The following NCALD variants were observed in gnomAD, a reference collection of about 807,000 sequenced individuals.
The protein encoded by NCALD is neurocalcin-delta.
NCALD carries 10 observed loss-of-function variants against 18.6 expected under a neutral mutation model. The observed-to-expected ratio is 0.54, with a 90% CI of 0.33 to 0.91. The LOEUF (loss-of-function observed/expected upper bound fraction) is 0.91. Among genes scored for constraint, NCALD ranks in the 40% least tolerant of loss-of-function variants. NCALD has a pLI of 0.03. For missense variants in NCALD, 184 were observed against 247.6 expected (o/e 0.74, Z 1.72); for synonymous variants, 88 against 87.4 (o/e 1.01, Z -0.04).
intron 3 of NCALD, among the ~76,000 whole-genome samples, chr8:101,905,807 A>G: frequency 6.6e-6 from 1 of 152,194 alleles, no homozygotes; most frequent in East Asian, 1.9e-4. Flanking sequence ...CCCAAATTCA[A>G]GGAGCATCAG....
chr8:101,794,481 T>C (rs192737460), upstream of NCALD, among the ~76,000 whole-genome samples: 253 of 152,334 alleles, frequency 1.7e-3, 2 homozygotes, highest in African/African-American at 5.5e-3. Flanking sequence ...TTTCTAAAAC[T>C]GGATGGCTCC....
At chr8:102,075,302 C>G (rs1432008053) in intron 1 of NCALD, among the ~76,000 whole-genome samples, 1 of 152,032 alleles carries the variant, frequency 6.6e-6, no homozygotes, top group African/African-American at 2.4e-5. Flanking sequence ...GGAAACATAA[C>G]TATAAAACTA....
intron 4 of NCALD, among the ~76,000 whole-genome samples, chr8:101,856,509 C>G (rs1371924521): frequency 6.6e-6 from 1 of 152,042 alleles, no homozygotes; most frequent in Non-Finnish European, 1.5e-5. Flanking sequence ...CATGTTTCTA[C>G]ATGGCCTTAC....
intron 1 of NCALD, among the ~76,000 whole-genome samples, chr8:102,040,479 A>AAAAG (rs1554584282): frequency 3.3e-5 from 5 of 150,742 alleles, no homozygotes; most frequent in African/African-American, 2.5e-5. Context: ...ATCAAAAAAA[A>AAAAG]AAAAGAAAAG....
intron 3 of NCALD, among the ~76,000 whole-genome samples, chr8:101,887,514 T>C (rs1586695363): frequency 6.6e-6 from 1 of 152,272 alleles, no homozygotes; most frequent in African/African-American, 2.4e-5. Flanking sequence ...CGCAGGCAAT[T>C]TATTACAGGG....
At chr8:101,761,958 T>C (rs1251634430) in intron 1 of NCALD, among the ~76,000 whole-genome samples, 1 of 152,132 alleles carries the variant, frequency 6.6e-6, no homozygotes, top group Non-Finnish European at 1.5e-5. Context: ...GAGAACAACA[T>C]AGTAGGGAAT....
At chr8:102,056,865 T>A (rs1223890460) in intron 1 of NCALD, among the ~76,000 whole-genome samples, 1 of 152,232 alleles carries the variant, frequency 6.6e-6, no homozygotes, top group Non-Finnish European at 1.5e-5. Flanking sequence ...AGGATTTACA[T>A]CACTGAGTAC....
intron 2 of NCALD, among the ~76,000 whole-genome samples, chr8:101,922,844 A>T (rs1212761344): frequency 6.6e-6 from 1 of 152,198 alleles, no homozygotes; most frequent in African/African-American, 2.4e-5. Context: ...TACACACAGT[A>T]AGAGATTAAC....
At chr8:101,812,149 C>T (rs1012947986) in intron 4 of NCALD, among the ~76,000 whole-genome samples, 1 of 152,124 alleles carries the variant, frequency 6.6e-6, no homozygotes, top group African/African-American at 2.4e-5. Context: ...TAGTTATCAA[C>T]CAAAGAACCA....
chr8:101,890,624 A>G (rs1190667114), intron 3 of NCALD, among the ~76,000 whole-genome samples: 4 of 152,188 alleles, frequency 2.6e-5, no homozygotes, highest in African/African-American at 2.4e-5. Context: ...TGTTGAGGAC[A>G]TAGCATTTAT....
chr8:101,697,098 A>C (rs1189175437), intron 2 of NCALD, among the ~76,000 whole-genome samples: 2 of 152,206 alleles, frequency 1.3e-5, no homozygotes, highest in Admixed American at 6.5e-5. Flanking sequence ...CACAATAAAA[A>C]ATGATAAAGG....
chr8:101,751,890 A>G (rs1237296331), intron 1 of NCALD, among the ~76,000 whole-genome samples: 1 of 152,240 alleles, frequency 6.6e-6, no homozygotes. Context: ...ATTCTTCAGC[A>G]CATGGTTTAT....
At chr8:101,844,632 A>T (rs182045993) in intron 4 of NCALD, among the ~76,000 whole-genome samples, 16 of 152,164 alleles carry the variant, frequency 1.1e-4, no homozygotes, top group Admixed American at 5.9e-4. Context: ...ACGTGCTGGG[A>T]TTACAGGTGT....
intron 1 of NCALD, among the ~76,000 whole-genome samples, chr8:102,093,795 C>T (rs908765524): frequency 2.0e-5 from 3 of 152,182 alleles, no homozygotes; most frequent in African/African-American, 4.8e-5. Flanking sequence ...ATAAAACACA[C>T]CCTTGTGCTT....
chr8:102,000,493 G>C (rs905452593), intron 2 of NCALD, among the ~76,000 whole-genome samples: 3 of 152,240 alleles, frequency 2.0e-5, no homozygotes, highest in African/African-American at 4.8e-5. Context: ...AACCTCTGCA[G>C]ACTTAAATGT....
chr8:102,001,437 G>C (rs1021706048), intron 2 of NCALD, among the ~76,000 whole-genome samples: 3 of 152,230 alleles, frequency 2.0e-5, no homozygotes, highest in African/African-American at 7.2e-5. Context: ...ATGGAACCAA[G>C]CTGGAAAACA....
At chr8:102,004,550 A>C (rs1396421504) in intron 2 of NCALD, among the ~76,000 whole-genome samples, 1 of 152,158 alleles carries the variant, frequency 6.6e-6, no homozygotes, top group Non-Finnish European at 1.5e-5. Flanking sequence ...ATATGGAACC[A>C]AAAAAGAGCC....
chr8:101,981,180 T>A (rs1187144115), intron 2 of NCALD, among the ~76,000 whole-genome samples: 3 of 152,220 alleles, frequency 2.0e-5, no homozygotes, highest in Admixed American at 2.0e-4. Context: ...ACATAGCAAA[T>A]GGCCAACCCG....
At chr8:101,927,608 G>A (rs1323317467) in intron 2 of NCALD, among the ~76,000 whole-genome samples, 3 of 152,200 alleles carry the variant, frequency 2.0e-5, no homozygotes, top group Non-Finnish European at 2.9e-5. Context: ...CGACATCCGC[G>A]CAGTGGGTAC....
Sources: allele counts gnomAD v4.1 joint callset (sites outside exome capture counted in the v4.1 genomes callset), GRCh38; gene constraint gnomAD v4.1.1; transcripts MANE v1.5; gene names NCBI Gene and HGNC (gene_info 2026-07-23, HGNC 2026-07-21).